GRAMD1B: variants seen among roughly 807,000 people sequenced by gnomAD.
The protein encoded by GRAMD1B is GRAM domain containing 1B, also known as protein Aster-B.
Under a neutral mutation model 99.7 loss-of-function variants are expected in GRAMD1B, and 37 were observed. The ratio of observed to expected loss-of-function variants is 0.37; its 90% CI spans 0.29 to 0.49. The LOEUF (loss-of-function observed/expected upper bound fraction) is 0.49, where lower values mean the gene tolerates loss of function less well. GRAMD1B is among the 20% of genes least tolerant of loss of function. The probability of loss-of-function intolerance (pLI) is 0.98; values close to 1 mark genes in which losing one functional copy is unlikely to be tolerated. For missense variants in GRAMD1B, 888 were observed against 1,009.2 expected (o/e 0.88, Z 1.63); for synonymous variants, 427 against 387.6 (o/e 1.10, Z -1.19).
chr11:123,605,286 T>G, intron 9 of GRAMD1B, 36 bp from the exon 10 acceptor site: 1 of 1,505,990 alleles, frequency 6.6e-7, no homozygotes, highest in African/African-American at 1.4e-5. Flanking sequence ...CTTGAACCAC[T>G]GAGGGTAATG....
chr11:123,500,418 A>G (rs1939735038), intron 2 of GRAMD1B, among the ~76,000 whole-genome samples: 2 of 152,180 alleles, frequency 1.3e-5, no homozygotes, highest in South Asian at 4.1e-4. Flanking sequence ...TAATCCATAC[A>G]TTTCTTCTTC....
intron 1 of GRAMD1B, among the ~76,000 whole-genome samples, chr11:123,451,407 A>G (rs1949881738): frequency 6.6e-6 from 1 of 152,214 alleles, no homozygotes; most frequent in Non-Finnish European, 1.5e-5. Context: ...TAATGCTAGA[A>G]ACCAGACTCA....
At chr11:123,374,950 G>A (rs1026682774) in intron 1 of GRAMD1B, among the ~76,000 whole-genome samples, 5 of 152,080 alleles carry the variant, frequency 3.3e-5, no homozygotes, top group African/African-American at 4.8e-5. Flanking sequence ...TTAACATATC[G>A]GAAGTAACAT....
At chr11:123,446,095 G>A (rs531467513) in intron 1 of GRAMD1B, among the ~76,000 whole-genome samples, 14 of 152,248 alleles carry the variant, frequency 9.2e-5, no homozygotes, top group African/African-American at 2.9e-4. Context: ...TCCAGATTCC[G>A]AGGAAGGTCC....
chr11:123,359,731 AT>A (rs923485186), intron 1 of GRAMD1B, among the ~76,000 whole-genome samples: 4 of 152,040 alleles, frequency 2.6e-5, no homozygotes, highest in African/African-American at 9.7e-5. Flanking sequence ...AAATCTCTAG[AT>A]TTTTTTTCCT....
At position 123,576,401 on chromosome 11, in the gene GRAMD1B, T is replaced by TTAGCCTCTCCCTTTCTCCA. The variant is rs1565398655; in HGVS notation, c.453-964_453-946dup. The stretch of plus-strand genomic sequence containing the variant: ...TCCCATTTCTGCTGGCACTTTCTAC[T>TTAGCCTCTCCCTTTCTCCA]TAGCCTCTCCCTTTCTCCATCTCTT... On this transcript the variant is annotated intron_variant, in intron 2 of 19. Transcript: ENST00000635736. Among the ~76,000 whole-genome samples the TTAGCCTCTCCCTTTCTCCA allele has an allele frequency of 8.5e-5, 13 of 152,334 alleles. No homozygotes were observed. In the South Asian group the frequency reaches 2.7e-3, roughly 32 times the overall value.
intron 13 of GRAMD1B, 31 bp downstream of exon 13, chr11:123,609,944 G>A (rs369099068): frequency 2.8e-5 from 35 of 1,243,444 alleles, no homozygotes; most frequent in Admixed American, 9.8e-5. Flanking sequence ...ACAGAAGAGC[G>A]AGCTGGAAAA....
intron 1 of GRAMD1B, among the ~76,000 whole-genome samples, chr11:123,456,148 C>G (rs184418211): frequency 1.4e-3 from 218 of 152,226 alleles, no homozygotes; most frequent in Non-Finnish European, 2.5e-3. Flanking sequence ...GTACTCCAGC[C>G]TGGGCGACAG....
intron 1 of GRAMD1B, among the ~76,000 whole-genome samples, chr11:123,466,930 G>A (rs1055021734): frequency 6.6e-6 from 1 of 152,208 alleles, no homozygotes; most frequent in Non-Finnish European, 1.5e-5. Flanking sequence ...AAAAGGTGGT[G>A]TGCTCCTTTA....
chr11:123,500,772 C>G (rs952544244), intron 2 of GRAMD1B, among the ~76,000 whole-genome samples: 18 of 152,012 alleles, frequency 1.2e-4, no homozygotes, highest in African/African-American at 4.3e-4. Flanking sequence ...TCCCAGGGTT[C>G]AAGTGATTCT....
intron 1 of GRAMD1B, among the ~76,000 whole-genome samples, chr11:123,361,243 A>C (rs1401389103): frequency 6.6e-6 from 1 of 152,088 alleles, no homozygotes; most frequent in Non-Finnish European, 1.5e-5. Context: ...CAATACACAC[A>C]TCTGTAATAT....
At chr11:123,520,607 CA>C (rs768346454) in intron 2 of GRAMD1B, among the ~76,000 whole-genome samples, 1 of 151,088 alleles carries the variant, frequency 6.6e-6, no homozygotes, top group Non-Finnish European at 1.5e-5. Context: ...CCCATCTCTA[CA>C]AAAAATAAAA....
chr11:123,490,389 G>A (rs1938417387), intron 2 of GRAMD1B, among the ~76,000 whole-genome samples: 1 of 152,138 alleles, frequency 6.6e-6, no homozygotes, highest in Admixed American at 6.5e-5. Flanking sequence ...ATAGTCAAAA[G>A]GGTCTTGGTC....
At position 123,469,769 on chromosome 11, in the gene GRAMD1B, C is replaced by CCTTCCTTCCT. The variant is rs1555128621; in HGVS notation, c.375-11047_375-11046insCTTCCTTCCT. On this transcript the variant is annotated intron_variant, in intron 1 of 19. Transcript: ENST00000635736. ...TCTTTCTTTCTTTCCTTCTTTCTTT[C>CCTTCCTTCCT]TCTTTCTTTCCTTCCTTCCTTCCTT... Among the ~76,000 whole-genome samples, 75 of 90,320 alleles carry CCTTCCTTCCT rather than the reference C, an allele frequency of 8.3e-4. 1 individual carries two copies. The highest frequency in any genetic ancestry group is 3.6e-3 in the East Asian group (9 of 2,524). 59.3% of individuals were successfully genotyped at this position (90,320 alleles called of 152,430 possible).
chr11:123,422,913 G>A (rs1225215790), intron 1 of GRAMD1B, among the ~76,000 whole-genome samples: 1 of 146,800 alleles, frequency 6.8e-6, no homozygotes, highest in African/African-American at 2.6e-5. Context: ...TTACCAAATT[G>A]TAGTTCTTGG....
rs1015298854 is a variant in GRAMD1B, at chr11:123,613,486, T to C, written c.2055T>C (p.Tyr685=). ...ESELAKTEST[Y]LAEMHRQSPK... ...AGCTGGCCAAAACGGAGAGCACTTA[T>C]TTGGCTGAGATGCACAGACAATCTC... is the stretch of plus-strand genomic sequence containing the variant. Residue 685 remains tyrosine (Y), a synonymous_variant, in exon 16 of 20, where the codon TAT becomes TAC. Coordinates refer to ENST00000635736, the MANE Select transcript of GRAMD1B (RefSeq NM_001387025.1). 1.2e-6 allele frequency: 2 copies of C among 1,612,684 alleles called. No individual in the cohort carries two copies. Among genetic ancestry groups the C allele is most frequent in the Non-Finnish European group, 8.5e-7 (1 of 1,179,424 alleles).
Position 123,627,328 on chromosome 11 carries a change from A to G in GRAMD1B, c.*4733A>G, listed in dbSNP as rs1014990429. ...GTCAAAACAGCCATTTTTGCCAACA[A>G]TAGCTTGTGGCTCCCCACATTTTCC... On this transcript the variant is annotated 3_prime_UTR_variant, in exon 20 of 20. Coordinates refer to ENST00000635736, the MANE Select transcript of GRAMD1B (RefSeq NM_001387025.1). 2.3e-4 allele frequency: 35 copies of G among 152,260 alleles called. No homozygotes were observed. Among genetic ancestry groups the G allele is most frequent in the Admixed American group, 2.2e-3 (33 of 15,282 alleles). The allele number at this position is 152,260 out of a possible 1,614,324, so 9.4% of individuals were successfully genotyped here.
intron 1 of GRAMD1B, among the ~76,000 whole-genome samples, chr11:123,370,337 CTTTTTT>C (rs1163332610): frequency 9.7e-6 from 1 of 102,844 alleles, no homozygotes; most frequent in Non-Finnish European, 1.8e-5. Context: ...GAAGTTATCT[CTTTTTT>C]TTTTTTTTTT....
intron 2 of GRAMD1B, among the ~76,000 whole-genome samples, chr11:123,501,549 G>A (rs764653708): frequency 2.3e-4 from 35 of 152,198 alleles, no homozygotes; most frequent in Admixed American, 5.2e-4. Flanking sequence ...TGGGGACCCT[G>A]TGCAGAACCT....
Sources: gnomAD v4.1 joint callset for allele counts (sites outside exome capture counted in the v4.1 genomes callset) on GRCh38, gnomAD v4.1.1 for gene constraint, MANE v1.5 for transcripts, NCBI Gene and HGNC (gene_info 2026-07-23, HGNC 2026-07-21) for gene names.